LMF1: variants seen among roughly 807,000 people sequenced by gnomAD.
LMF1 encodes the protein transmembrane protein 112.
Under a neutral mutation model 60.6 loss-of-function variants are expected in LMF1, and 68 were observed. The ratio of observed to expected loss-of-function variants is 1.12; its 90% CI spans 0.92 to 1.37. The LOEUF (loss-of-function observed/expected upper bound fraction) is 1.37, where lower values mean the gene tolerates loss of function less well. Among genes scored for constraint, LMF1 ranks in the 40% most tolerant of loss-of-function variants. The pLI is 0.00. For missense variants in LMF1, 948 were observed against 767.2 expected (o/e 1.24, Z -2.78); for synonymous variants, 418 against 324.7 (o/e 1.29, Z -3.09).
intron 10 of LMF1, 98 bp downstream of exon 10, chr16:868,846 C>T: frequency 1.3e-6 from 1 of 792,248 alleles, no homozygotes; most frequent in Non-Finnish European, 2.2e-6. Context: ...AGGGGCGCTT[C>T]CCGTGAGCAG....
At chr16:885,146 T>A (rs1417777466) in intron 5 of LMF1, 1 of 152,228 alleles carries the variant, frequency 6.6e-6, no homozygotes, top group African/African-American at 2.4e-5. Flanking sequence ...CTTTCAGCAT[T>A]TATGAGATAG....
At chr16:911,813 GT>G (rs1426109010) in intron 3 of LMF1, among the ~76,000 whole-genome samples, 4 of 152,084 alleles carry the variant, frequency 2.6e-5, no homozygotes, top group Non-Finnish European at 4.4e-5. Context: ...GCAGAGGCAG[GT>G]CATGGTGGGT....
intron 1 of LMF1, chr16:976,088 G>A (rs1021245534): frequency 4.4e-6 from 2 of 453,974 alleles, no homozygotes; most frequent in African/African-American, 4.0e-5. Flanking sequence ...GGGTACAAAC[G>A]CTGATTTTTC....
chr16:854,989 C>T (rs759202195), intron 10 of LMF1: 25 of 526,030 alleles, frequency 4.8e-5, no homozygotes, highest in African/African-American at 5.7e-5. Context: ...GCAGAGGGAC[C>T]GGCCCGGGGA....
intron 3 of LMF1, among the ~76,000 whole-genome samples, chr16:930,727 C>T (rs1028988460): frequency 3.9e-5 from 6 of 152,214 alleles, no homozygotes; most frequent in Admixed American, 1.3e-4. Flanking sequence ...GAGCATGTCC[C>T]GGGGAGCCCA....
At chr16:885,853 A>C (rs1450992920) in intron 5 of LMF1, among the ~76,000 whole-genome samples, 1 of 152,208 alleles carries the variant, frequency 6.6e-6, no homozygotes, top group Non-Finnish European at 1.5e-5. Flanking sequence ...GAGTTGAAAA[A>C]CACTATTGGC....
intron 4 of LMF1, chr16:904,907 C>A (rs2070933836): frequency 1.2e-5 from 1 of 86,574 alleles, no homozygotes. Context: ...CTCTGCATCG[C>A]CCACAGGACG....
intron 5 of LMF1, among the ~76,000 whole-genome samples, chr16:882,556 C>G (rs2070189989): frequency 6.6e-6 from 1 of 152,360 alleles, no homozygotes; most frequent in South Asian, 2.1e-4. Context: ...GTGAATGACC[C>G]CACCTGACAC....
intron 2 of LMF1, among the ~76,000 whole-genome samples, chr16:950,700 CAG>C (rs574399080): frequency 2.1e-5 from 3 of 144,098 alleles, no homozygotes; most frequent in Admixed American, 6.9e-5. Context: ...ACGACAGAGT[CAG>C]AGCCAATGAC....
intron 10 of LMF1, among the ~76,000 whole-genome samples, chr16:857,555 C>T (rs1596823651): frequency 9.3e-6 from 1 of 107,610 alleles, no homozygotes; most frequent in Non-Finnish European, 1.8e-5. Context: ...AGTGGTGTCA[C>T]GGGACGGGTG....
rs774707793 is a variant in LMF1 at position 870,886 on chromosome 16, G to A, written c.1079-4C>T. On this transcript the variant is annotated splice_polypyrimidine_tract_variant and splice_region_variant and intron_variant, in intron 7 of 10. Coordinates refer to ENST00000262301, the MANE Select transcript of LMF1 (RefSeq NM_022773.4). ...GCTGCACGCCGCACCACGGAGCCTGGCAGGGGAGTGACATCTTCCAGGTGG... is the reference window on the plus strand; with the variant it reads ...GCTGCACGCCGCACCACGGAGCCTGACAGGGGAGTGACATCTTCCAGGTGG... 2.5e-5 allele frequency: 40 copies of A among 1,602,036 alleles called. No individual in the cohort carries two copies. Among genetic ancestry groups the A allele is most frequent in the Non-Finnish European group, 3.3e-5 (39 of 1,177,544 alleles).
In LMF1 at chr16:878,852, A is replaced by T. The variant is rs2070075491; in HGVS notation, c.897+718T>A. Among the ~76,000 whole-genome samples the T allele has an allele frequency of 6.6e-6, 1 of 152,184 alleles. No homozygotes were observed. Among genetic ancestry groups the T allele is most frequent in the Non-Finnish European group, 1.5e-5 (1 of 68,034 alleles). ...TGGACCTGTGCATTTTCCTGGCTGT[A>T]TGTTACACCTCCATTGAAACAATCG... On this transcript the variant is annotated intron_variant, in intron 6 of 10. Transcript: ENST00000262301. The surrounding 1 kb of genome is among the most constrained non-coding windows in gnomAD (Gnocchi z 5.2).
chr16:864,312 T>C (rs547661759), intron 10 of LMF1, among the ~76,000 whole-genome samples: 1 of 152,354 alleles, frequency 6.6e-6, no homozygotes, highest in Non-Finnish European at 1.5e-5. Context: ...ATACAGAGGG[T>C]CCCTAACTTA....
intron 1 of LMF1, among the ~76,000 whole-genome samples, chr16:965,228 A>G (rs1340046410): frequency 6.6e-6 from 1 of 152,218 alleles, no homozygotes; most frequent in East Asian, 1.9e-4. Flanking sequence ...TTCTCCATTC[A>G]GCTTCATGGA....
intron 10 of LMF1, among the ~76,000 whole-genome samples, chr16:861,354 C>CTTTTTT (rs33941455): frequency 1.4e-4 from 13 of 92,662 alleles, no homozygotes; most frequent in Non-Finnish European, 2.3e-4. Context: ...AATTTTCTTT[C>CTTTTTT]TTTTTTTTTT....
rs867602262 is a variant in LMF1, at chr16:896,507, C to G, written c.664-3435G>C. Among the ~76,000 whole-genome samples the G allele has an allele frequency of 5.3e-5, 8 of 152,334 alleles. 1 individual carries two copies. Among genetic ancestry groups the G allele is most frequent in the Middle Eastern group, 3.4e-3 (1 of 294 alleles). On this transcript the variant is annotated intron_variant, in intron 4 of 10. Coordinates refer to ENST00000262301, the MANE Select transcript of LMF1 (RefSeq NM_022773.4). Reference sequence around the variant, plus strand: ...CTGGAGGCTGGGTTTGCTCAGATCACAAAAGCACCGGAGACTGTTTCCCGC... The same window carrying G: ...CTGGAGGCTGGGTTTGCTCAGATCAGAAAAGCACCGGAGACTGTTTCCCGC...
At chr16:954,284 C>G (rs763746907) in intron 2 of LMF1, 73 bp downstream of exon 2, 1 of 1,425,346 alleles carries the variant, frequency 7.0e-7, no homozygotes, top group African/African-American at 1.4e-5. Context: ...TTTCCAAGTG[C>G]CAGGACACCT....
At chr16:910,286 G>A (rs965790979) in intron 4 of LMF1, among the ~76,000 whole-genome samples, 6 of 152,220 alleles carry the variant, frequency 3.9e-5, no homozygotes, top group Non-Finnish European at 8.8e-5. Context: ...GCCCCTGGCT[G>A]GGCAGGAAGC....
chr16:911,342 G>A (rs1032498842), intron 3 of LMF1, among the ~76,000 whole-genome samples: 3 of 152,068 alleles, frequency 2.0e-5, no homozygotes, highest in East Asian at 1.9e-4. Context: ...GAAAGGCCCC[G>A]CTCTGAGGTC....
Sources: allele counts gnomAD v4.1 joint callset (sites outside exome capture counted in the v4.1 genomes callset), GRCh38; gene constraint gnomAD v4.1.1; non-coding constraint Gnocchi (gnomAD v3.1); transcripts MANE v1.5; gene names NCBI Gene and HGNC (gene_info 2026-07-23, HGNC 2026-07-21).